The following DPY19L1 variants were observed in gnomAD, a reference collection of about 807,000 sequenced individuals.
The protein encoded by DPY19L1 is dpy-19 like C-mannosyltransferase 1, also known as protein C-mannosyl-transferase DPY19L1.
Under a neutral mutation model 96.9 loss-of-function variants are expected in DPY19L1, and 35 were observed. That is an observed-to-expected ratio of 0.36 (90% confidence interval 0.28 to 0.48). DPY19L1 has a LOEUF of 0.48. DPY19L1 is among the 20% of genes least tolerant of loss of function. DPY19L1 has a pLI of 0.99. For missense variants in DPY19L1, 521 were observed against 777.9 expected, an observed-to-expected ratio of 0.67 and a Z score of 3.93; for synonymous variants, 205 against 252.6, an observed-to-expected ratio of 0.81 and a Z score of 1.79.
intron 10 of DPY19L1, among the ~76,000 whole-genome samples, chr7:34,962,968 G>T (rs1329784177): frequency 6.6e-6 from 1 of 152,014 alleles, no homozygotes; most frequent in Non-Finnish European, 1.5e-5. Context: ...GCTGAGGTGG[G>T]CAGATCACAT....
chr7:34,959,535 T>TA (rs1468143357), intron 10 of DPY19L1, among the ~76,000 whole-genome samples: 1 of 152,008 alleles, frequency 6.6e-6, no homozygotes, highest in African/African-American at 2.4e-5. Context: ...TATGCAGCTA[T>TA]AAAAAAGGAT....
chr7:34,999,910 G>A (rs1478436181), intron 6 of DPY19L1, among the ~76,000 whole-genome samples: 5 of 152,084 alleles, frequency 3.3e-5, no homozygotes, highest in Admixed American at 6.6e-5. Context: ...ATGGTTTTAC[G>A]TATCAGAATT....
At chr7:34,987,472 T>A (rs187517140) in intron 7 of DPY19L1, among the ~76,000 whole-genome samples, 40 of 152,150 alleles carry the variant, frequency 2.6e-4, no homozygotes, top group African/African-American at 9.6e-4. Context: ...TAAAACCATA[T>A]GAGGAAAAAG....
chr7:35,012,658 T>C (rs1399705879), intron 4 of DPY19L1, among the ~76,000 whole-genome samples: 1 of 151,966 alleles, frequency 6.6e-6, no homozygotes, highest in Admixed American at 6.6e-5. Flanking sequence ...AAAAAAATTA[T>C]GATTATAAAA....
At chr7:34,979,329 C>G (rs919748050) in intron 7 of DPY19L1, among the ~76,000 whole-genome samples, 101 of 152,048 alleles carry the variant, frequency 6.6e-4, no homozygotes, top group African/African-American at 2.3e-3. Context: ...TCAACATAAC[C>G]AAAATTCTGA....
At chr7:34,933,261 T>C (rs753565136) in intron 21 of DPY19L1, among the ~76,000 whole-genome samples, 1 of 152,244 alleles carries the variant, frequency 6.6e-6, no homozygotes, top group African/African-American at 2.4e-5. Context: ...GTGTAAAGTG[T>C]ACCCAATGTG....
At chr7:34,935,429 T>C (rs953499984) in intron 21 of DPY19L1, among the ~76,000 whole-genome samples, 5 of 152,218 alleles carry the variant, frequency 3.3e-5, no homozygotes, top group African/African-American at 1.2e-4. Context: ...AGCAGAGAAC[T>C]GTAGTTAATT....
chr7:34,992,771 A>T (rs1785200605), intron 6 of DPY19L1, among the ~76,000 whole-genome samples: 1 of 152,006 alleles, frequency 6.6e-6, no homozygotes, highest in Admixed American at 6.6e-5. Context: ...AGATCAGACT[A>T]TAGAAAACCC....
At chr7:34,947,011 G>A (rs1488256629) in intron 15 of DPY19L1, among the ~76,000 whole-genome samples, 2 of 152,204 alleles carry the variant, frequency 1.3e-5, no homozygotes, top group Non-Finnish European at 1.5e-5. Flanking sequence ...AAGGTCTGTC[G>A]TCTCTTTTTC....
At chr7:34,940,132 T>A in intron 19 of DPY19L1, 21 bp downstream of exon 19, 1 of 1,461,386 alleles carries the variant, frequency 6.8e-7, no homozygotes, top group South Asian at 1.4e-5. Context: ...ATGACTTTTT[T>A]TTTCTTTTTT....
chr7:35,007,609 G>GTA (rs924364669), intron 6 of DPY19L1, among the ~76,000 whole-genome samples: 65 of 98,198 alleles, frequency 6.6e-4, no homozygotes, highest in Middle Eastern at 5.3e-3. Flanking sequence ...GTGTGTGTGT[G>GTA]TATATATATA....
intron 1 of DPY19L1, among the ~76,000 whole-genome samples, chr7:35,019,789 AATAAG>A (rs1274413611): frequency 6.6e-6 from 1 of 152,254 alleles, no homozygotes; most frequent in African/African-American, 2.4e-5. Flanking sequence ...GACTTTTTTT[AATAAG>A]ATATATTGAT....
chr7:34,976,678 T>C (rs971819920), intron 7 of DPY19L1, among the ~76,000 whole-genome samples: 1 of 152,220 alleles, frequency 6.6e-6, no homozygotes, highest in Non-Finnish European at 1.5e-5. Flanking sequence ...TTTTAAGAAA[T>C]TGCCACAGCT....
chr7:35,019,781 C>CT (rs1480590295), intron 1 of DPY19L1, among the ~76,000 whole-genome samples: 1 of 152,046 alleles, frequency 6.6e-6, no homozygotes, highest in African/African-American at 2.4e-5. Flanking sequence ...TGTCATTTGA[C>CT]TTTTTTTAAT....
At chr7:35,017,063 T>A (rs1375146647) in intron 3 of DPY19L1, among the ~76,000 whole-genome samples, 1 of 151,946 alleles carries the variant, frequency 6.6e-6, no homozygotes, top group Non-Finnish European at 1.5e-5. Context: ...TTTGATTATA[T>A]TAAGGATATT....
chr7:35,019,759 TCTAA>T (rs1785949249), intron 1 of DPY19L1, among the ~76,000 whole-genome samples: 1 of 152,266 alleles, frequency 6.6e-6, no homozygotes, highest in South Asian at 2.1e-4. Flanking sequence ...GTTACAAATA[TCTAA>T]CTTAGTTTGT....
chr7:34,966,614 G>T (rs371667144), intron 10 of DPY19L1, among the ~76,000 whole-genome samples: 1 of 152,002 alleles, frequency 6.6e-6, no homozygotes, highest in Non-Finnish European at 1.5e-5. Context: ...TTAACAGACA[G>T]CTCCTGGATA....
At position 35,023,734 on chromosome 7, in the gene DPY19L1, C is replaced by T. The variant is rs1311449924; in HGVS notation, c.299-5138G>A. Among the ~76,000 whole-genome samples the T allele has an allele frequency of 3.2e-4, 49 of 152,066 alleles. 2 individuals are homozygous for T. The stretch of plus-strand genomic sequence containing the variant: ...CCTAATTCCCAGCCTGAGCTCCTTC[C>T]ACTGTGACAGAGCTGCCTCCTTCTC... On this transcript the variant is annotated intron_variant, in intron 1 of 21. Transcript: ENST00000638088.
chr7:34,978,872 C>T (rs1784882188), intron 7 of DPY19L1, among the ~76,000 whole-genome samples: 1 of 152,024 alleles, frequency 6.6e-6, no homozygotes, highest in Non-Finnish European at 1.5e-5. Flanking sequence ...AAGTTTTGGA[C>T]TTTTTGAGTA....
Sources: gnomAD v4.1 joint callset for allele counts (sites outside exome capture counted in the v4.1 genomes callset) on GRCh38, gnomAD v4.1.1 for gene constraint, MANE v1.5 for transcripts, NCBI Gene and HGNC (gene_info 2026-07-23, HGNC 2026-07-21) for gene names.